ZGRF1: variants seen among roughly 807,000 people sequenced by gnomAD.
ZGRF1 encodes 5'-3' DNA helicase ZGRF1.
A neutral mutation model predicts 203.5 loss-of-function variants in ZGRF1; 196 were observed. The ratio of observed to expected loss-of-function variants is 0.96; its 90% CI spans 0.86 to 1.08. ZGRF1 has a LOEUF of 1.08. ZGRF1 is among the 50% of genes least tolerant of loss of function. The pLI is 0.00. For missense variants in ZGRF1, 2,326 were observed against 2,416.3 expected (o/e 0.96, Z 0.78); for synonymous variants, 809 against 841.3 (o/e 0.96, Z 0.66).
At chr4:112,552,557 A>G (rs1740169889) in intron 22 of ZGRF1, among the ~76,000 whole-genome samples, 1 of 152,204 alleles carries the variant, frequency 6.6e-6, no homozygotes, top group South Asian at 2.1e-4. Flanking sequence ...ACTAATTTGT[A>G]TTAATTGAAC....
At chr4:112,617,407 G>C (rs766225825) in intron 6 of ZGRF1, 33 bp downstream of exon 6, 3 of 1,463,342 alleles carry the variant, frequency 2.1e-6, no homozygotes, top group Non-Finnish European at 2.8e-6. Context: ...GACCTATAAA[G>C]AAAACATTCC....
Position 112,573,290 on chromosome 4 carries a change from G to C in ZGRF1, c.4438+8373C>G, listed in dbSNP as rs1744545273. ...ACTGGAGACCACTATTCTAAGTGAA[G>C]TAACTCAGGAATGGAAAAATCAAAC... On this transcript the variant is annotated intron_variant, in intron 16 of 27. Transcript: ENST00000505019. Among the ~76,000 whole-genome samples the C allele has an allele frequency of 2.6e-5, 4 of 151,898 alleles. No homozygotes were observed. The South Asian group carries it at 8.3e-4, about 32-fold the overall frequency.
At chr4:112,565,024 G>A (rs1177563593) in intron 16 of ZGRF1, 2 of 986,724 alleles carry the variant, frequency 2.0e-6, no homozygotes, top group Non-Finnish European at 3.3e-6. Context: ...CAAATCAACC[G>A]GTGGTAAACC....
chr4:112,633,955 G>A (rs2047494895), intron 1 of ZGRF1, among the ~76,000 whole-genome samples: 1 of 152,166 alleles, frequency 6.6e-6, no homozygotes, highest in Non-Finnish European at 1.5e-5. Flanking sequence ...TGGGGGCCCA[G>A]CAGTCTGTGT....
At chr4:112,561,911 C>CTTTTTTT (rs11385405) in intron 18 of ZGRF1, among the ~76,000 whole-genome samples, 6 of 108,194 alleles carry the variant, frequency 5.5e-5, no homozygotes, top group Admixed American at 2.3e-4. Flanking sequence ...TTCCTTTTCT[C>CTTTTTTT]TTTTTTTTTT....
At chr4:112,570,118 CA>C (rs1455668999) in intron 16 of ZGRF1, among the ~76,000 whole-genome samples, 3 of 151,962 alleles carry the variant, frequency 2.0e-5, no homozygotes, top group African/African-American at 7.3e-5. Context: ...ATAACTGCCA[CA>C]AAAAGTTAGC....
chr4:112,574,169 A>C (rs569627754), intron 16 of ZGRF1, among the ~76,000 whole-genome samples: 4 of 152,212 alleles, frequency 2.6e-5, no homozygotes, highest in Admixed American at 1.3e-4. Flanking sequence ...AAGACAGTAC[A>C]AGAATAATAT....
chr4:112,575,330 TC>T (rs1744956393), intron 16 of ZGRF1, among the ~76,000 whole-genome samples: 1 of 152,176 alleles, frequency 6.6e-6, no homozygotes, highest in African/African-American at 2.4e-5. Flanking sequence ...ACAGCTCCAG[TC>T]TACAGCTCCC....
chr4:112,548,515 G>A, intron 22 of ZGRF1, 135 bp from the exon 23 acceptor site: 1 of 610,518 alleles, frequency 1.6e-6, no homozygotes, highest in Non-Finnish European at 2.6e-6. Context: ...AGAAATCTTA[G>A]GTCATCGTAT....
chr4:112,587,110 T>C (rs1747316701), intron 12 of ZGRF1, among the ~76,000 whole-genome samples, 170 bp downstream of exon 12: 1 of 152,216 alleles, frequency 6.6e-6, no homozygotes, highest in Non-Finnish European at 1.5e-5. Context: ...TGTTCACTAC[T>C]ATTACGAGAG....
At chr4:112,597,507 G>A (rs1364461285) in intron 10 of ZGRF1, among the ~76,000 whole-genome samples, 1 of 152,010 alleles carries the variant, frequency 6.6e-6, no homozygotes, top group African/African-American at 2.4e-5. Context: ...CTAAGGAAGA[G>A]AGTGAGACCT....
chr4:112,633,057 C>T, intron 2 of ZGRF1, 99 bp downstream of exon 2: 1 of 1,098,116 alleles, frequency 9.1e-7, no homozygotes, highest in Non-Finnish European at 1.4e-6. Context: ...TTTGTTTTTG[C>T]TAAATCTGGC....
At chr4:112,614,871 A>C (rs968949081) in intron 6 of ZGRF1, among the ~76,000 whole-genome samples, 1 of 152,018 alleles carries the variant, frequency 6.6e-6, no homozygotes, top group South Asian at 2.1e-4. Context: ...TAGTGTTCCC[A>C]AGGGCAAGAA....
intron 8 of ZGRF1, among the ~76,000 whole-genome samples, chr4:112,607,309 T>A (rs1006645480): frequency 2.6e-4 from 40 of 152,068 alleles, no homozygotes; most frequent in Middle Eastern, 3.4e-3. Flanking sequence ...TTTAAAAAAA[T>A]TTTTTTTAGA....
At chr4:112,572,520 T>C (rs530737391) in intron 16 of ZGRF1, among the ~76,000 whole-genome samples, 1 of 151,976 alleles carries the variant, frequency 6.6e-6, no homozygotes, top group East Asian at 1.9e-4. Flanking sequence ...CAAAAGCAAA[T>C]ACAATAAAAA....
intron 19 of ZGRF1, 81 bp from the exon 20 acceptor site, chr4:112,558,390 G>A: frequency 1.7e-6 from 2 of 1,209,444 alleles, no homozygotes; most frequent in Non-Finnish European, 2.2e-6. Flanking sequence ...TTGAGACAGA[G>A]TCTCACTCAC....
chr4:112,596,686 C>T (rs533205483), intron 10 of ZGRF1, among the ~76,000 whole-genome samples: 7 of 152,164 alleles, frequency 4.6e-5, no homozygotes, highest in Admixed American at 3.9e-4. Flanking sequence ...CTCTACCTCC[C>T]AGGCTCAAGG....
At chr4:112,563,061 A>T in intron 17 of ZGRF1, 70 bp downstream of exon 17, 3 of 1,342,826 alleles carry the variant, frequency 2.2e-6, no homozygotes, top group Non-Finnish European at 3.0e-6. Flanking sequence ...TGTTGGCTTT[A>T]ATCAAACAGT....
Position 112,550,433 on chromosome 4 carries a change from AAC to A in ZGRF1, c.5347-2055_5347-2054del, listed in dbSNP as rs143275023. On this transcript the variant is annotated intron_variant, in intron 22 of 27. Transcript: ENST00000505019. Reference sequence around the variant, plus strand: ...AAGCTGTGTTATTACAAAAGAATCAAACAGTTTTTAAAAATTTTCAACTTTAT... The same window carrying A: ...AAGCTGTGTTATTACAAAAGAATCAAAGTTTTTAAAAATTTTCAACTTTAT... 7.8e-3 allele frequency among the ~76,000 whole-genome samples: 1,186 copies of A among 152,300 alleles called. 12 individuals are homozygous for A. Among genetic ancestry groups the A allele is most frequent in the African/African-American group, 0.026 (1,097 of 41,584 alleles).
Sources: gnomAD v4.1 joint callset for allele counts (sites outside exome capture counted in the v4.1 genomes callset) on GRCh38, gnomAD v4.1.1 for gene constraint, MANE v1.5 for transcripts, NCBI Gene and HGNC (gene_info 2026-07-23, HGNC 2026-07-21) for gene names.